Variants in MGAT4C observed in about 807,000 individuals in gnomAD.
The protein encoded by MGAT4C is alpha-1,3-mannosyl-glycoprotein 4-beta-N-acetylglucosaminyltransferase C.
Under a neutral mutation model 40.1 loss-of-function variants are expected in MGAT4C, and 19 were observed. The ratio of observed to expected loss-of-function variants is 0.47; its 90% CI spans 0.33 to 0.70. The LOEUF (loss-of-function observed/expected upper bound fraction) is 0.70, where lower values mean the gene tolerates loss of function less well. Among genes scored for constraint, MGAT4C ranks in the 30% least tolerant of loss-of-function variants. MGAT4C has a pLI of 0.02. For synonymous variants in MGAT4C, 181 were observed against 187.1 expected, an observed-to-expected ratio of 0.97 and a Z score of 0.27; for missense variants, 491 against 563.2, an observed-to-expected ratio of 0.87 and a Z score of 1.30.
At chr12:86,588,049 A>T (rs1041709468) in intron 2 of MGAT4C, among the ~76,000 whole-genome samples, 2 of 151,934 alleles carry the variant, frequency 1.3e-5, no homozygotes, top group Admixed American at 1.3e-4. Flanking sequence ...GAATCCTTCC[A>T]GTTTGTGCCC....
At chr12:86,094,082 G>A (rs1157945096) in intron 1 of MGAT4C, among the ~76,000 whole-genome samples, 4 of 152,036 alleles carry the variant, frequency 2.6e-5, no homozygotes, top group African/African-American at 7.2e-5. Flanking sequence ...GTTCAATGAG[G>A]GAAATGAAAA....
intron 1 of MGAT4C, among the ~76,000 whole-genome samples, chr12:86,733,615 TA>T (rs1400636451): frequency 6.6e-6 from 1 of 152,120 alleles, no homozygotes; most frequent in East Asian, 1.9e-4. Flanking sequence ...GACATGATTG[TA>T]CATCACAATA....
At chr12:86,718,107 A>G (rs1246427178) in intron 2 of MGAT4C, among the ~76,000 whole-genome samples, 2 of 152,176 alleles carry the variant, frequency 1.3e-5, no homozygotes, top group African/African-American at 4.8e-5. Context: ...TAAATAGCCT[A>G]CAATGCATAG....
intron 2 of MGAT4C, chr12:86,022,630 A>G (rs1565872865): frequency 6.6e-6 from 1 of 152,224 alleles, no homozygotes. Context: ...ACAGAGGATC[A>G]CTTGAGCCCA....
At chr12:86,505,036 C>T (rs1958446827) in intron 2 of MGAT4C, among the ~76,000 whole-genome samples, 2 of 152,144 alleles carry the variant, frequency 1.3e-5, no homozygotes, top group South Asian at 4.1e-4. Context: ...GTCACACACT[C>T]ATTTCAATGT....
chr12:86,411,637 A>G (rs909027834), intron 3 of MGAT4C, among the ~76,000 whole-genome samples: 2 of 152,236 alleles, frequency 1.3e-5, no homozygotes, highest in African/African-American at 4.8e-5. Context: ...AGGGAAGCAG[A>G]CTATAAAAGT....
At chr12:86,226,608 C>A (rs1351715649) in intron 1 of MGAT4C, among the ~76,000 whole-genome samples, 1 of 151,916 alleles carries the variant, frequency 6.6e-6, no homozygotes, top group Non-Finnish European at 1.5e-5. Context: ...GCCCTCACCG[C>A]AACCCAAATG....
At chr12:86,212,909 A>G (rs1445752260) in intron 1 of MGAT4C, among the ~76,000 whole-genome samples, 1 of 147,028 alleles carries the variant, frequency 6.8e-6, no homozygotes, top group Non-Finnish European at 1.5e-5. Flanking sequence ...AAAAAAAAAA[A>G]AAAAAAAAAA....
chr12:86,806,430 CTGTG>C (rs762478208), intron 1 of MGAT4C, among the ~76,000 whole-genome samples: 55 of 147,604 alleles, frequency 3.7e-4, no homozygotes, highest in African/African-American at 7.9e-4. Context: ...TTACTTACAT[CTGTG>C]TGTGTGTGTG....
intron 4 of MGAT4C, among the ~76,000 whole-genome samples, chr12:86,275,917 G>A (rs370929409): frequency 7.5e-6 from 1 of 133,578 alleles, no homozygotes; most frequent in Non-Finnish European, 1.5e-5. Context: ...TGGCTAACAC[G>A]GTGAAACCCC....
chr12:86,194,246 A>G (rs1333589907), intron 1 of MGAT4C, among the ~76,000 whole-genome samples: 1 of 151,906 alleles, frequency 6.6e-6, no homozygotes, highest in East Asian at 1.9e-4. Context: ...ATTTAAAAAC[A>G]TCTAAAAAGT....
chr12:86,674,483 G>C (rs1964341884), intron 2 of MGAT4C, among the ~76,000 whole-genome samples: 1 of 152,060 alleles, frequency 6.6e-6, no homozygotes, highest in Non-Finnish European at 1.5e-5. Flanking sequence ...ATCACCAGAG[G>C]TCGAGAGTTC....
intron 1 of MGAT4C, among the ~76,000 whole-genome samples, chr12:86,239,539 G>A (rs1951691619): frequency 6.6e-6 from 1 of 152,024 alleles, no homozygotes; most frequent in Non-Finnish European, 1.5e-5. Context: ...TCTTTTCCAA[G>A]TGAAGTTCAA....
At chr12:86,260,778 A>C (rs911519695), upstream of MGAT4C, among the ~76,000 whole-genome samples, 2 of 151,970 alleles carry the variant, frequency 1.3e-5, no homozygotes, top group African/African-American at 4.8e-5. Flanking sequence ...AAGGCTTCTT[A>C]AAGTTATTAA....
At chr12:86,407,186 G>T (rs1397660578) in intron 3 of MGAT4C, among the ~76,000 whole-genome samples, 1 of 152,050 alleles carries the variant, frequency 6.6e-6, no homozygotes, top group East Asian at 1.9e-4. Flanking sequence ...ATCTGCAAGG[G>T]TCCAAAATGC....
chr12:86,837,873 A>C (rs1277966210), intron 1 of MGAT4C, among the ~76,000 whole-genome samples: 1 of 152,202 alleles, frequency 6.6e-6, no homozygotes, highest in Admixed American at 6.5e-5. Context: ...AGATATCATA[A>C]GTATAATGGG....
intron 1 of MGAT4C, among the ~76,000 whole-genome samples, chr12:86,796,628 A>G (rs1399135000): frequency 6.6e-6 from 1 of 152,004 alleles, no homozygotes; most frequent in East Asian, 1.9e-4. Flanking sequence ...CATGGTGACT[A>G]TAGTTAACAA....
At chr12:86,744,891 T>C (rs1178716806) in intron 1 of MGAT4C, among the ~76,000 whole-genome samples, 3 of 151,516 alleles carry the variant, frequency 2.0e-5, no homozygotes, top group African/African-American at 4.8e-5. Context: ...ATTAAAAAAA[T>C]TGAAACATAA....
intron 3 of MGAT4C, among the ~76,000 whole-genome samples, chr12:86,349,178 T>C (rs1283751324): frequency 2.0e-5 from 3 of 152,164 alleles, no homozygotes; most frequent in Non-Finnish European, 4.4e-5. Context: ...AACTGGGATA[T>C]ATTTTCACTC....
Sources: gnomAD v4.1 joint callset for allele counts (sites outside exome capture counted in the v4.1 genomes callset) on GRCh38, gnomAD v4.1.1 for gene constraint, MANE v1.5 for transcripts, NCBI Gene and HGNC (gene_info 2026-07-23, HGNC 2026-07-21) for gene names.